TXLNA: variants seen among roughly 807,000 people sequenced by gnomAD.
TXLNA encodes taxilin alpha.
TXLNA carries 9 observed loss-of-function variants against 61.4 expected under a neutral mutation model. That is an observed-to-expected ratio of 0.15 (90% confidence interval 0.09 to 0.26). The LOEUF is 0.26. Among genes scored for constraint, TXLNA ranks in the 10% least tolerant of loss-of-function variants. The pLI is 1.00. For missense variants in TXLNA, 565 were observed against 688.8 expected, an observed-to-expected ratio of 0.82 and a Z score of 2.01; for synonymous variants, 257 against 267.7, an observed-to-expected ratio of 0.96 and a Z score of 0.39.
chr1:32,193,837 G>A (rs367854556), intron 9 of TXLNA, among the ~76,000 whole-genome samples: 4 of 152,254 alleles, frequency 2.6e-5, no homozygotes, highest in African/African-American at 7.2e-5. Flanking sequence ...GATTATAGGC[G>A]TGAGCCACCA....
Position 32,192,224 on chromosome 1 carries a change from G to C in TXLNA, c.964-87G>C. 1 of 1,559,326 alleles carries C rather than the reference G, an allele frequency of 6.4e-7. No homozygotes were observed. The highest frequency in any genetic ancestry group is 8.7e-7 in the Non-Finnish European group (1 of 1,146,024). On this transcript the variant is annotated intron_variant, in intron 6 of 10. Coordinates refer to ENST00000373610, the MANE Select transcript of TXLNA (RefSeq NM_175852.4). The surrounding 1 kb of genome is among the most constrained non-coding windows in gnomAD (Gnocchi z 4.2). ...CATATCAGATTGAGATGGGGGGCTGGGCAAAGTGCCCTGGTCTGTGGCTGT... is the reference window on the plus strand; with the variant it reads ...CATATCAGATTGAGATGGGGGGCTGCGCAAAGTGCCCTGGTCTGTGGCTGT...
At chr1:32,184,880 A>ATCTTGATGCTT (rs1642747983) in intron 4 of TXLNA, among the ~76,000 whole-genome samples, 1 of 152,248 alleles carries the variant, frequency 6.6e-6, no homozygotes, top group Non-Finnish European at 1.5e-5. Context: ...AGTCCAAGAC[A>ATCTTGATGCTT]CCTTGTGATC....
intron 3 of TXLNA, 128 bp from the exon 4 acceptor site, chr1:32,184,397 C>A: frequency 1.5e-6 from 1 of 671,106 alleles, no homozygotes; most frequent in Non-Finnish European, 2.7e-6. Context: ...GCAAGGAAGG[C>A]AGCTAATCAA....
chr1:32,182,550 T>A (rs1323853344), intron 3 of TXLNA, among the ~76,000 whole-genome samples: 1 of 151,290 alleles, frequency 6.6e-6, no homozygotes, highest in Non-Finnish European at 1.5e-5. Flanking sequence ...TAATCCCAGC[T>A]ACTTGGGAGG....
chr1:32,181,189 A>G (rs1642647466), intron 2 of TXLNA, 53 bp from the exon 3 acceptor site: 1 of 1,428,026 alleles, frequency 7.0e-7, no homozygotes. Flanking sequence ...AATCCCAACC[A>G]GTGGTATAAT....
intron 3 of TXLNA, among the ~76,000 whole-genome samples, chr1:32,183,719 T>TTGCCTGGCCGAAA (rs1642721443): frequency 8.3e-6 from 1 of 120,190 alleles, no homozygotes; most frequent in African/African-American, 3.2e-5. Context: ...CGTAAGCCAC[T>TTGCCTGGCCGAAA]GTACCCTGCC....
chr1:32,195,512 G>T lies in TXLNA; in HGVS notation c.*317G>T, dbSNP rs1642999824. On this transcript the variant is annotated 3_prime_UTR_variant, in exon 11 of 11. Transcript: ENST00000373610. The stretch of plus-strand genomic sequence containing the variant: ...GCTGTCATCTGTAGCTGCCATCACA[G>T]TGAGTTGGCAGAAGTGACTTGAGCA... 2.0e-6 allele frequency: 1 copy of T among 494,846 alleles called. No individual in the cohort carries two copies. The highest frequency in any genetic ancestry group is 3.7e-6 in the Non-Finnish European group (1 of 271,098). The allele number at this position is 494,846 out of a possible 1,614,324, so 30.7% of individuals were successfully genotyped here. A position where few individuals can be genotyped will look rare whatever the true frequency, so the allele number is the denominator to read the frequency against.
At position 32,181,595 on chromosome 1, in the gene TXLNA, CT is replaced by C; in HGVS notation, c.505+21del. The C allele has an allele frequency of 6.6e-7, 1 of 1,505,496 alleles. No individual in the cohort carries two copies. Among genetic ancestry groups the C allele is most frequent in the Non-Finnish European group, 8.9e-7 (1 of 1,123,910 alleles). The allele number at this position is 1,505,496 out of a possible 1,614,324, so 93.3% of individuals were successfully genotyped here. The stretch of plus-strand genomic sequence containing the variant: ...GGGTTTGGGTGAGCAGAGGGCGGCT[CT>C]TTGTGAAGCTGGTGAGGAGAGGGAG... On this transcript the variant is annotated intron_variant, in intron 3 of 10. Transcript: ENST00000373610.
At position 32,189,673 on chromosome 1, in the gene TXLNA, C is replaced by T. The variant is rs551772441; in HGVS notation, c.769-382C>T. 5.9e-5 allele frequency among the ~76,000 whole-genome samples: 9 copies of T among 152,056 alleles called. No homozygotes were observed. The South Asian group carries it at 1.5e-3, about 25-fold the overall frequency. ...GACTCCTCTGCCTCAGCCTCCCAAG[C>T]AGCTGGGACCACAGGTGCACACCAT... On this transcript the variant is annotated intron_variant, in intron 5 of 10. Transcript: ENST00000373610.
intron 4 of TXLNA, among the ~76,000 whole-genome samples, chr1:32,186,202 A>C (rs1165337260): frequency 6.6e-6 from 1 of 152,104 alleles, no homozygotes; most frequent in Non-Finnish European, 1.5e-5. Context: ...AGAGGAAATG[A>C]GTTGCTAGAG....
chr1:32,195,586 C>G lies in TXLNA; in HGVS notation c.*391C>G. The G allele has an allele frequency of 5.1e-6, 2 of 392,882 alleles. No homozygotes were observed. The highest frequency in any genetic ancestry group is 4.0e-5 in the South Asian group (2 of 50,130). 24.3% of individuals were successfully genotyped at this position (392,882 alleles called of 1,614,324 possible). A position where few individuals can be genotyped will look rare whatever the true frequency, so the allele number is the denominator to read the frequency against. On this transcript the variant is annotated 3_prime_UTR_variant, in exon 11 of 11. Transcript: ENST00000373610. The stretch of plus-strand genomic sequence containing the variant: ...AGACCCCTCCCTGCCCTTCAGAGCT[C>G]AAGACAAGTAATACACCCAGGTCTT...
chr1:32,182,364 A>T (rs1198158531), intron 3 of TXLNA, among the ~76,000 whole-genome samples: 1 of 152,000 alleles, frequency 6.6e-6, no homozygotes, highest in Non-Finnish European at 1.5e-5. Context: ...CAGGGTATGT[A>T]TGTTTAAGAG....
Position 32,192,687 on chromosome 1 carries a change from A to T in TXLNA, c.1114A>T (p.Met372Leu), listed in dbSNP as rs1398904405. Residue 372 changes from methionine to leucine, a missense_variant, in exon 8 of 11, where the codon ATG (methionine) becomes TTG (leucine). Met to Leu is a conservative substitution (Grantham distance 15). Coordinates refer to ENST00000373610, the MANE Select transcript of TXLNA (RefSeq NM_175852.4). This position sits in a 1 kb window ranked among gnomAD's most constrained non-coding sequence, Gnocchi z 4.2. ...LLKEAVESQR[M>L]CELMKQQETH... ...GAAAGAGGCAGTAGAGTCCCAGAGG[A>T]TGTGTGAGCTGATGAAGCAGCAAGA... 6.2e-7 allele frequency: 1 copy of T among 1,614,158 alleles called. No homozygotes were observed. The highest frequency in any genetic ancestry group is 1.7e-5 in the Admixed American group (1 of 60,030).
intron 1 of TXLNA, chr1:32,180,000 T>G: frequency 1.2e-5 from 2 of 163,570 alleles, no homozygotes; most frequent in Non-Finnish European, 2.6e-5. Context: ...GTGCCGGGAG[T>G]CCCGCCACGT....
chr1:32,183,959 G>C (rs545364035), intron 3 of TXLNA, among the ~76,000 whole-genome samples: 1 of 151,548 alleles, frequency 6.6e-6, no homozygotes, highest in African/African-American at 2.4e-5. Context: ...GGATGGTCTC[G>C]ATCTCTTGAC....
At chr1:32,181,647 G>C in intron 3 of TXLNA, 70 bp downstream of exon 3, 2 of 1,350,232 alleles carry the variant, frequency 1.5e-6, no homozygotes, top group Non-Finnish European at 2.0e-6. Flanking sequence ...CTCTGGGCCA[G>C]TCTGTTCTGC....
intron 4 of TXLNA, among the ~76,000 whole-genome samples, chr1:32,185,883 A>G (rs1224345330): frequency 6.6e-6 from 1 of 150,546 alleles, no homozygotes; most frequent in Non-Finnish European, 1.5e-5. Context: ...ATGTTTTAGT[A>G]GAGACAGAGT....
Position 32,185,541 on chromosome 1 carries a change from C to T in TXLNA, c.597+925C>T, listed in dbSNP as rs6694210. ...CCGAGTAGCTGGGTCTACAGGCGCCCGCCACCATGCTAGGCTATTTTTTTT... is the reference window on the plus strand; with the variant it reads ...CCGAGTAGCTGGGTCTACAGGCGCCTGCCACCATGCTAGGCTATTTTTTTT... On this transcript the variant is annotated intron_variant, in intron 4 of 10. Transcript: ENST00000373610. Among the ~76,000 whole-genome samples the T allele has an allele frequency of 8.0e-3, 1,150 of 144,460 alleles. 14 individuals carry two copies. The highest frequency in any genetic ancestry group is 0.035 in the Middle Eastern group (9 of 254). The allele number at this position is 144,460 out of a possible 152,430, so 94.8% of individuals were successfully genotyped here.
rs1488557615 is a variant in TXLNA at position 32,190,242 on chromosome 1, G to A, written c.956G>A (p.Arg319His). 6.3e-7 allele frequency: 1 copy of A among 1,598,490 alleles called. No individual in the cohort carries two copies. Among genetic ancestry groups the A allele is most frequent in the Non-Finnish European group, 8.5e-7 (1 of 1,170,578 alleles). Residue 319 changes from arginine (R) to histidine (H), a missense_variant, in exon 6 of 11, where the codon CGC becomes CAC. This residue lies in a region of TXLNA where 373 missense variants were observed against 504.0 expected (regional missense o/e 0.74). Coordinates refer to ENST00000373610, the MANE Select transcript of TXLNA (RefSeq NM_175852.4). ...AAGCTGATTGAGCAGTATGAGCTGC[G>A]CGAGGAGGTAAGGGTATCACGGACA... The part of the protein sequence containing the change: ...LKKLIEQYEL[R>H]EEHIDKVFKH...
Sources: gnomAD v4.1 joint callset for allele counts (sites outside exome capture counted in the v4.1 genomes callset) on GRCh38, gnomAD v4.1.1 for gene constraint, gnomAD v4.1.1 regional missense constraint, Gnocchi (gnomAD v3.1) non-coding constraint, MANE v1.5 for transcripts, NCBI Gene and HGNC (gene_info 2026-07-23, HGNC 2026-07-21) for gene names.